RHPN2: variants seen among roughly 807,000 people sequenced by gnomAD.
RHPN2 encodes the protein rhophilin Rho GTPase binding protein 2, also known as rhophilin-2.
Under a neutral mutation model 79.0 loss-of-function variants are expected in RHPN2, and 40 were observed. The ratio of observed to expected loss-of-function variants is 0.51; its 90% CI spans 0.39 to 0.66. RHPN2 has a LOEUF of 0.66. Among genes scored for constraint, RHPN2 ranks in the 30% least tolerant of loss-of-function variants. The probability of loss-of-function intolerance (pLI) is 0.00; values close to 1 mark genes in which losing one functional copy is unlikely to be tolerated. For missense variants in RHPN2, 686 were observed against 883.5 expected, an observed-to-expected ratio of 0.78 and a Z score of 2.83; for synonymous variants, 285 against 363.5, an observed-to-expected ratio of 0.78 and a Z score of 2.46.
intron 2 of RHPN2, among the ~76,000 whole-genome samples, chr19:33,028,481 T>C (rs957712294): frequency 1.1e-4 from 16 of 152,142 alleles, no homozygotes; most frequent in African/African-American, 3.9e-4. Flanking sequence ...ATACTAGCAA[T>C]GAACAATCTT....
intron 4 of RHPN2, among the ~76,000 whole-genome samples, chr19:33,019,926 G>T (rs1392569921): frequency 1.3e-5 from 2 of 152,138 alleles, no homozygotes; most frequent in African/African-American, 4.8e-5. Context: ...GGAATTTGGA[G>T]GTGACTGGTT....
At chr19:32,983,029 C>T (rs1971586415) in intron 14 of RHPN2, among the ~76,000 whole-genome samples, 1 of 148,530 alleles carries the variant, frequency 6.7e-6, no homozygotes, top group Non-Finnish European at 1.5e-5. Flanking sequence ...CCTCTCTCCT[C>T]CAGGCACCCT....
At chr19:33,025,475 CTG>C (rs1971958556) in intron 3 of RHPN2, among the ~76,000 whole-genome samples, 1 of 150,866 alleles carries the variant, frequency 6.6e-6, no homozygotes, top group Non-Finnish European at 1.5e-5. Flanking sequence ...GAGGGAGACT[CTG>C]TGTCAAAAAA....
intron 4 of RHPN2, among the ~76,000 whole-genome samples, chr19:33,014,428 C>G (rs1971861846): frequency 6.6e-6 from 1 of 152,102 alleles, no homozygotes; most frequent in African/African-American, 2.4e-5. Context: ...ACTTCAGCCT[C>G]TCCAGGAGAG....
At chr19:33,035,054 A>T (rs1420616906) in intron 2 of RHPN2, among the ~76,000 whole-genome samples, 6 of 151,986 alleles carry the variant, frequency 3.9e-5, no homozygotes, top group Non-Finnish European at 8.8e-5. Flanking sequence ...TGCAACCTCC[A>T]CCTTCAGGTT....
chr19:33,045,476 T>C (rs1599832949), intron 1 of RHPN2, among the ~76,000 whole-genome samples: 1 of 151,716 alleles, frequency 6.6e-6, no homozygotes, highest in Admixed American at 6.6e-5. Flanking sequence ...ATCAGTGCTA[T>C]CTGATTTTTT....
At chr19:33,007,987 G>GT in intron 7 of RHPN2, 27 bp downstream of exon 7, 1 of 1,611,290 alleles carries the variant, frequency 6.2e-7, no homozygotes, top group East Asian at 2.2e-5. Context: ...CCAAGGCTCC[G>GT]TCTGGTCAGC....
chr19:33,035,871 C>T (rs1408651140), intron 2 of RHPN2, among the ~76,000 whole-genome samples: 35 of 152,220 alleles, frequency 2.3e-4, no homozygotes, highest in Non-Finnish European at 4.4e-5. Context: ...AATCCCAGCA[C>T]TTTGGGAGGC....
chr19:33,023,448 A>G (rs966746627), intron 3 of RHPN2, among the ~76,000 whole-genome samples: 2 of 148,778 alleles, frequency 1.3e-5, no homozygotes, highest in South Asian at 2.1e-4. Flanking sequence ...AAAAAAAAAA[A>G]AAAAGAAAAA....
At chr19:33,013,887 A>G (rs1971857519) in intron 4 of RHPN2, among the ~76,000 whole-genome samples, 1 of 137,658 alleles carries the variant, frequency 7.3e-6, no homozygotes, top group African/African-American at 2.7e-5. Context: ...ATTTTATTTT[A>G]TCTTTGAGGC....
At chr19:33,037,548 AC>A (rs1972068414) in intron 2 of RHPN2, among the ~76,000 whole-genome samples, 1 of 152,100 alleles carries the variant, frequency 6.6e-6, no homozygotes, top group Non-Finnish European at 1.5e-5. Context: ...TGTAACACTC[AC>A]TGCGAAGGTC....
At chr19:33,007,694 C>T (rs1358367184) in intron 7 of RHPN2, among the ~76,000 whole-genome samples, 2 of 151,402 alleles carry the variant, frequency 1.3e-5, no homozygotes, top group South Asian at 2.1e-4. Context: ...TCGTCAGCCA[C>T]AGGATTCACC....
intron 2 of RHPN2, among the ~76,000 whole-genome samples, chr19:33,031,552 ATT>A (rs919146919): frequency 1.3e-5 from 2 of 148,226 alleles, no homozygotes; most frequent in African/African-American, 5.0e-5. Context: ...GCCTTATTTT[ATT>A]TTTTTGTATA....
intron 1 of RHPN2, 142 bp from the exon 2 acceptor site, chr19:33,044,506 A>AAAG: frequency 1.4e-6 from 1 of 700,852 alleles, no homozygotes; most frequent in South Asian, 1.6e-5. Context: ...TGAAAAGTAT[A>AAAG]AAGAAAAGTC....
intron 2 of RHPN2, among the ~76,000 whole-genome samples, chr19:33,027,886 A>C (rs1264866330): frequency 2.6e-5 from 4 of 152,246 alleles, no homozygotes; most frequent in African/African-American, 9.6e-5. Flanking sequence ...ACCTACAAAA[A>C]CCCACAGTTA....
intron 11 of RHPN2, among the ~76,000 whole-genome samples, chr19:32,995,783 C>T (rs1359524093): frequency 2.0e-5 from 3 of 152,094 alleles, no homozygotes; most frequent in Admixed American, 6.5e-5. Flanking sequence ...CACTTGAACC[C>T]GGGAAGCAGA....
intron 1 of RHPN2, among the ~76,000 whole-genome samples, chr19:33,047,213 T>C (rs1343139419): frequency 6.6e-6 from 1 of 152,200 alleles, no homozygotes; most frequent in Non-Finnish European, 1.5e-5. Context: ...TGGTTGAAAA[T>C]TATTTTTAAT....
chr19:33,056,332 G>A (rs751992816), intron 1 of RHPN2, among the ~76,000 whole-genome samples: 3 of 151,700 alleles, frequency 2.0e-5, no homozygotes, highest in Non-Finnish European at 2.9e-5. Context: ...GGCTGGTCTC[G>A]AACTCCCAAC....
chr19:33,021,705 A>C, intron 3 of RHPN2, 59 bp from the exon 4 acceptor site: 5 of 1,356,066 alleles, frequency 3.7e-6, no homozygotes, highest in Non-Finnish European at 5.2e-6. Flanking sequence ...TGTGCACCCC[A>C]CGGCCTTGCC....
Sources: gnomAD v4.1 joint callset for allele counts (sites outside exome capture counted in the v4.1 genomes callset) on GRCh38, gnomAD v4.1.1 for gene constraint, MANE v1.5 for transcripts, NCBI Gene and HGNC (gene_info 2026-07-23, HGNC 2026-07-21) for gene names.